THNSL1: variants seen among roughly 807,000 people sequenced by gnomAD.
THNSL1 encodes threonine synthase like 1, also known as threonine synthase-like 1.
In THNSL1, 48 loss-of-function variants were observed where a neutral mutation model predicts 50.4. That is an observed-to-expected ratio of 0.95 (90% confidence interval 0.76 to 1.21). The LOEUF is 1.21. Ranked by LOEUF, THNSL1 falls within the 50% of genes most tolerant of loss-of-function variation. The probability of loss-of-function intolerance (pLI) is 0.00; values close to 1 mark genes in which losing one functional copy is unlikely to be tolerated. For missense variants in THNSL1, 896 were observed against 871.7 expected, an observed-to-expected ratio of 1.03 and a Z score of -0.35; for synonymous variants, 309 against 306.1, an observed-to-expected ratio of 1.01 and a Z score of -0.10.
At chr10:24,953,016 G>C in the THNSL1 span, among the ~76,000 whole-genome samples, 2 of 152,072 alleles carry the variant, frequency 1.3e-5, no homozygotes, top group South Asian at 2.1e-4. Context: ...CCCAGCCCTC[G>C]GGCTAACAAT....
chr10:25,006,956 G>A, the THNSL1 span, among the ~76,000 whole-genome samples: 4 of 152,210 alleles, frequency 2.6e-5, no homozygotes, highest in East Asian at 1.9e-4. Flanking sequence ...TAACTGGCAC[G>A]TTTTAAATTC....
chr10:25,010,460 ATACTT>A, the THNSL1 span, among the ~76,000 whole-genome samples: 1 of 152,014 alleles, frequency 6.6e-6, no homozygotes, highest in African/African-American at 2.4e-5. Flanking sequence ...TATTATTATT[ATACTT>A]TAAGTTTTAG....
chr10:24,970,297 C>T, the THNSL1 span, among the ~76,000 whole-genome samples: 2 of 152,164 alleles, frequency 1.3e-5, no homozygotes, highest in Admixed American at 6.5e-5. Flanking sequence ...AATGTCTAAG[C>T]TACACAAATT....
rs762656323 is a variant in THNSL1 at position 25,023,929 on chromosome 10, C to CA, written c.707dup (p.His236GlnfsTer5). ...CTCGGAAACATTCATTTCAACAAGACACGTTTGGCCTGAAGACTGTGAACA... is the reference window on the plus strand; with the variant it reads ...CTCGGAAACATTCATTTCAACAAGACAACGTTTGGCCTGAAGACTGTGAACA... On this transcript the variant is annotated frameshift_variant, in exon 3 of 3. Transcript: ENST00000376356. LOFTEE classifies it high-confidence loss of function. The CA allele has an allele frequency of 5.0e-6, 8 of 1,614,004 alleles. No individual in the cohort carries two copies. Among genetic ancestry groups the CA allele is most frequent in the African/African-American group, 1.3e-5 (1 of 74,918 alleles).
chr10:24,973,062 A>T, the THNSL1 span, among the ~76,000 whole-genome samples: 3 of 152,220 alleles, frequency 2.0e-5, no homozygotes, highest in Non-Finnish European at 4.4e-5. Context: ...ACAATTTCAC[A>T]GATAGAACAT....
chr10:24,986,826 T>C, the THNSL1 span, among the ~76,000 whole-genome samples: 1 of 152,322 alleles, frequency 6.6e-6, no homozygotes, highest in East Asian at 1.9e-4. Context: ...TTTTCATTAT[T>C]TCATCTAAAA....
the THNSL1 span, among the ~76,000 whole-genome samples, chr10:25,009,204 A>G: frequency 1.5e-4 from 23 of 152,284 alleles, no homozygotes; most frequent in Admixed American, 8.5e-4. Context: ...ATGTATACAT[A>G]TGTAACAAAC....
the THNSL1 span, among the ~76,000 whole-genome samples, chr10:24,959,882 C>G: frequency 6.6e-6 from 1 of 152,072 alleles, no homozygotes; most frequent in Non-Finnish European, 1.5e-5. Context: ...ATTTTCTCTT[C>G]GTAAAAATAT....
At chr10:24,997,077 G>A in the THNSL1 span, among the ~76,000 whole-genome samples, 6 of 152,140 alleles carry the variant, frequency 3.9e-5, no homozygotes, top group Non-Finnish European at 8.8e-5. Context: ...TGCTGCGTGT[G>A]GTGTTGCATG....
chr10:24,966,562 G>A, the THNSL1 span, among the ~76,000 whole-genome samples: 2 of 152,210 alleles, frequency 1.3e-5, no homozygotes, highest in African/African-American at 4.8e-5. Context: ...ATCACACTCT[G>A]TTAGAATGTG....
chr10:24,992,753 C>T, the THNSL1 span, among the ~76,000 whole-genome samples: 2 of 152,146 alleles, frequency 1.3e-5, no homozygotes, highest in African/African-American at 4.8e-5. Flanking sequence ...GTAACTTAAC[C>T]CATCCTGACT....
upstream of THNSL1, chr10:25,016,075 T>TC: frequency 1.4e-6 from 2 of 1,396,424 alleles, no homozygotes; most frequent in Non-Finnish European, 1.9e-6. Flanking sequence ...CTTCACATCG[T>TC]CCCCCTTTAA....
At chr10:25,000,059 G>T in the THNSL1 span, among the ~76,000 whole-genome samples, 1 of 151,646 alleles carries the variant, frequency 6.6e-6, no homozygotes, top group Non-Finnish European at 1.5e-5. Context: ...TTTTTATTTT[G>T]AACTTTAATA....
chr10:25,010,559 G>A, the THNSL1 span, among the ~76,000 whole-genome samples: 1 of 151,304 alleles, frequency 6.6e-6, no homozygotes, highest in South Asian at 2.1e-4. Flanking sequence ...TCGTCATTTA[G>A]CATTAGGTAT....
chr10:24,955,425 C>T, the THNSL1 span, among the ~76,000 whole-genome samples: 1 of 152,100 alleles, frequency 6.6e-6, no homozygotes, highest in African/African-American at 2.4e-5. Flanking sequence ...TGAGTCTAAG[C>T]CAATTATATC....
At chr10:24,984,248 C>A in the THNSL1 span, 1 of 1,113,486 alleles carries the variant, frequency 9.0e-7, no homozygotes, top group African/African-American at 1.6e-5. Context: ...CAGGAAAATA[C>A]ATCTTTTGCA....
chr10:24,965,754 T>A, the THNSL1 span, among the ~76,000 whole-genome samples: 4 of 152,240 alleles, frequency 2.6e-5, no homozygotes, highest in African/African-American at 9.6e-5. Context: ...ACTGGTTGAA[T>A]CTCTTTCCTT....
chr10:25,021,726 T>C lies in THNSL1; in HGVS notation c.-215-16T>C, dbSNP rs1469175784. On this transcript the variant is annotated splice_polypyrimidine_tract_variant and intron_variant, in intron 1 of 2. Transcript: ENST00000376356. ...TCTATACAGTTATGATTAACTTAAA[T>C]TTTTTTCCATTATAGACTCCACGTT... 6.6e-6 allele frequency: 1 copy of C among 152,162 alleles called. No individual in the cohort carries two copies. The highest frequency in any genetic ancestry group is 2.4e-5 in the African/African-American group (1 of 41,442). The allele number at this position is 152,162 out of a possible 1,614,324, so 9.4% of individuals were successfully genotyped here. A position where few individuals can be genotyped will look rare whatever the true frequency, so the allele number is the denominator to read the frequency against.
chr10:25,023,349 G>C lies in THNSL1; in HGVS notation c.126G>C (p.Leu42Phe). ...FLSRTFALAE[L>F]RKSWYSTHSL... ...CAAGAACCTTTGCACTTGCGGAATT[G>C]AGGAAGTCATGGTATTCAACCCACT... Residue 42 changes from leucine (L) to phenylalanine (F), a missense_variant, in exon 3 of 3, where the codon TTG becomes TTC. Coordinates refer to ENST00000376356, the MANE Select transcript of THNSL1 (RefSeq NM_024838.5). The C allele has an allele frequency of 6.2e-7, 1 of 1,614,152 alleles. No individual in the cohort carries two copies. The highest frequency in any genetic ancestry group is 8.5e-7 in the Non-Finnish European group (1 of 1,180,008).
Sources: allele counts gnomAD v4.1 joint callset (sites outside exome capture counted in the v4.1 genomes callset), GRCh38; gene constraint gnomAD v4.1.1; transcripts MANE v1.5; gene names NCBI Gene and HGNC (gene_info 2026-07-23, HGNC 2026-07-21).